Variants in ARHGEF1 observed in about 807,000 individuals in gnomAD.
ARHGEF1 encodes 115 kDa guanine nucleotide exchange factor.
In ARHGEF1, 40 loss-of-function variants were observed where a neutral mutation model predicts 119.7. That is an observed-to-expected ratio of 0.33 (90% CI 0.26 to 0.44). The LOEUF (loss-of-function observed/expected upper bound fraction) is 0.44, where lower values mean the gene tolerates loss of function less well. Among genes scored for constraint, ARHGEF1 ranks in the 20% least tolerant of loss-of-function variants. The probability of loss-of-function intolerance (pLI) is 1.00; values close to 1 mark genes in which losing one functional copy is unlikely to be tolerated. For missense variants in ARHGEF1, 976 were observed against 1,268.3 expected (o/e 0.77, Z 3.50); for synonymous variants, 494 against 521.0 (o/e 0.95, Z 0.71).
At chr19:41,918,384 C>T (rs960547856), upstream of ARHGEF1, among the ~76,000 whole-genome samples, 4 of 149,802 alleles carry the variant, frequency 2.7e-5, no homozygotes, top group Admixed American at 2.0e-4. Context: ...ACCACACATA[C>T]ACCACATACA....
At chr19:41,899,805 G>A (rs1203051039) in intron 14 of ARHGEF1, among the ~76,000 whole-genome samples, 1 of 151,938 alleles carries the variant, frequency 6.6e-6, no homozygotes, top group Non-Finnish European at 1.5e-5. Context: ...GAAAGGTTTG[G>A]GACTTGACTG....
At chr19:41,887,657 C>T (rs1242820590) in intron 1 of ARHGEF1, among the ~76,000 whole-genome samples, 2 of 152,134 alleles carry the variant, frequency 1.3e-5, no homozygotes, top group Non-Finnish European at 2.9e-5. Flanking sequence ...CCACTTCTCT[C>T]CCGCCTCTCC....
chr19:41,916,559 C>T lies in ARHGEF1; in HGVS notation c.1866-6533C>T, dbSNP rs1248907761. ...AAATCCTAGACACACTGTGTAAACA[C>T]ATAATCACACACTGAGGCTCACAAT... On this transcript the variant is annotated intron_variant, in intron 18 of 20. Transcript: ENST00000599589. This position sits in a 1 kb window ranked among gnomAD's most constrained non-coding sequence, Gnocchi z 5.4. Among the ~76,000 whole-genome samples, 2 of 152,130 alleles carry T rather than the reference C, an allele frequency of 1.3e-5. No individual in the cohort carries two copies. The highest frequency in any genetic ancestry group is 4.8e-5 in the African/African-American group (2 of 41,422).
At chr19:41,910,106 G>A (rs537967349), downstream of ARHGEF1, 49 of 1,608,124 alleles carry the variant, frequency 3.0e-5, no homozygotes, top group Middle Eastern at 1.9e-4. The surrounding 1 kb of genome is among the most constrained non-coding windows in gnomAD (Gnocchi z 4.4). Context: ...CCCTGGGGAC[G>A]GGAGGCAGGG....
intron 18 of ARHGEF1, chr19:41,913,040 C>T (rs1299793573): frequency 1.4e-5 from 6 of 422,272 alleles, no homozygotes; most frequent in Non-Finnish European, 2.4e-5. Flanking sequence ...GGTCCCCACC[C>T]CAGCCTGACA....
At chr19:41,894,111 G>A (rs2074430687) in intron 8 of ARHGEF1, 96 bp from the exon 9 acceptor site, 2 of 783,034 alleles carry the variant, frequency 2.6e-6, no homozygotes, top group Non-Finnish European at 3.6e-6. Flanking sequence ...GCCTCTAGGG[G>A]GAGAGAGAGA....
chr19:41,912,800 C>T, intron 18 of ARHGEF1: 1 of 400,618 alleles, frequency 2.5e-6, no homozygotes, highest in Non-Finnish European at 3.2e-6. Context: ...ATGCGGCTCA[C>T]TGGGGAAGCC....
At chr19:41,910,205 AG>A (rs2074744365), downstream of ARHGEF1, 1 of 1,056,014 alleles carries the variant, frequency 9.5e-7, no homozygotes, top group Non-Finnish European at 1.4e-6. The surrounding 1 kb of genome is among the most constrained non-coding windows in gnomAD (Gnocchi z 4.4). Flanking sequence ...CTCCAGTCTC[AG>A]GCATCTTTAG....
intron 14 of ARHGEF1, among the ~76,000 whole-genome samples, chr19:41,901,491 G>T (rs1200310655): frequency 1.3e-5 from 2 of 152,098 alleles, no homozygotes; most frequent in African/African-American, 4.8e-5. Flanking sequence ...GCTTGAGCTG[G>T]GGTGCAGTAA....
rs1328902957 is a variant in ARHGEF1 at position 41,916,711 on chromosome 19, G to A, written c.1866-6381G>A. The stretch of plus-strand genomic sequence containing the variant: ...AGCGCATACATATGCACTTGGTCAC[G>A]CATGGAGCCGTAGAGATACACACAC... On this transcript the variant is annotated intron_variant, in intron 18 of 20. Transcript: ENST00000599589. This position sits in a 1 kb window ranked among gnomAD's most constrained non-coding sequence, Gnocchi z 5.4. Among the ~76,000 whole-genome samples the A allele has an allele frequency of 8.6e-5, 13 of 151,638 alleles. No individual in the cohort carries two copies. The highest frequency in any genetic ancestry group is 2.9e-4 in the African/African-American group (12 of 41,292).
Position 41,894,557 on chromosome 19 carries a change from C to T in ARHGEF1, c.841+10C>T, listed in dbSNP as rs781839561. The T allele has an allele frequency of 1.3e-5, 21 of 1,613,780 alleles. No homozygotes were observed. The Middle Eastern group carries it at 5.0e-4, about 38-fold the overall frequency. On this transcript the variant is annotated intron_variant, in intron 10 of 28. Transcript: ENST00000354532. Reference sequence around the variant, plus strand: ...CGGGGAGAGCCCCAGGGTAAGGCGGCTCTGGCCTCTGCCCTCCCCTGTCTT... The same window carrying T: ...CGGGGAGAGCCCCAGGGTAAGGCGGTTCTGGCCTCTGCCCTCCCCTGTCTT...
In ARHGEF1 at chr19:41,902,359, G is replaced by A; in HGVS notation, c.1497+3G>A. ...TCGGAGACGTGCTGCTGGCCCGGGT[G>A]AGATGCCCAGCCCTCCCGCTCCTCC... is the stretch of plus-strand genomic sequence containing the variant. On this transcript the variant is annotated splice_donor_region_variant and intron_variant, in intron 16 of 28. Transcript: ENST00000354532. This position sits in a 1 kb window ranked among gnomAD's most constrained non-coding sequence, Gnocchi z 6.5. 6.2e-7 allele frequency: 1 copy of A among 1,614,086 alleles called. No individual in the cohort carries two copies. The highest frequency in any genetic ancestry group is 8.5e-7 in the Non-Finnish European group (1 of 1,180,028).
Position 41,893,093 on chromosome 19 carries a change from C to T in ARHGEF1, c.615-181C>T, listed in dbSNP as rs1193083362. ...CCATGATCTGGCACTTGGATCCCAT[C>T]CTCCTGGATGAGAGACCTCCCTCCC... On this transcript the variant is annotated intron_variant, in intron 7 of 28. Coordinates refer to ENST00000354532, the MANE Select transcript of ARHGEF1 (RefSeq NM_004706.4). 4 of 1,011,916 alleles carry T rather than the reference C, an allele frequency of 4.0e-6. No homozygotes were observed. The Admixed American group carries it at 8.8e-5, about 22-fold the overall frequency. The allele number at this position is 1,011,916 out of a possible 1,614,324, so 62.7% of individuals were successfully genotyped here. A position where few individuals can be genotyped will look rare whatever the true frequency, so the allele number is the denominator to read the frequency against.
chr19:41,918,262 C>T (rs1267224512), upstream of ARHGEF1, among the ~76,000 whole-genome samples: 1 of 151,562 alleles, frequency 6.6e-6, no homozygotes, highest in Admixed American at 6.6e-5. Flanking sequence ...TACATACACA[C>T]CCCCACCACA....
chr19:41,894,385 G>T lies in ARHGEF1; in HGVS notation c.745-66G>T, dbSNP rs546989400. On this transcript the variant is annotated intron_variant, in intron 9 of 28. Transcript: ENST00000354532. ...AGCCTCATGACTCTGGATACCTAGC[G>T]TCAAATTCTGCTTTGTTGTTGTCTC... The T allele has an allele frequency of 1.8e-5, 28 of 1,520,426 alleles. No individual in the cohort carries two copies. The African/African-American group carries it at 3.6e-4, about 20-fold the overall frequency. The allele number at this position is 1,520,426 out of a possible 1,614,324, so 94.2% of individuals were successfully genotyped here.
intron 8 of ARHGEF1, among the ~76,000 whole-genome samples, 163 bp from the exon 9 acceptor site, chr19:41,894,044 C>T (rs961868403): frequency 1.3e-5 from 2 of 148,736 alleles, no homozygotes; most frequent in Non-Finnish European, 2.9e-5. Context: ...CCTCTCATCT[C>T]TCCTCAGAGT....
At chr19:41,925,855 C>G (rs2074868079) in intron 1 of ARHGEF1, among the ~76,000 whole-genome samples, 1 of 151,874 alleles carries the variant, frequency 6.6e-6, no homozygotes, top group South Asian at 2.1e-4. Flanking sequence ...TAAGGAGGTG[C>G]AACACTGTCA....
At position 41,902,180 on chromosome 19, in the gene ARHGEF1, C is replaced by T; in HGVS notation, c.1415-94C>T. ...TCCGGTCCCGAGGATCAGACACAGA[C>T]ACACCTGCAGCCCTACCCCCACCAC... On this transcript the variant is annotated intron_variant, in intron 15 of 28. Coordinates refer to ENST00000354532, the MANE Select transcript of ARHGEF1 (RefSeq NM_004706.4). This position sits in a 1 kb window ranked among gnomAD's most constrained non-coding sequence, Gnocchi z 6.5. The T allele has an allele frequency of 1.3e-6, 2 of 1,564,640 alleles. No homozygotes were observed. The highest frequency in any genetic ancestry group is 1.8e-6 in the Non-Finnish European group (2 of 1,142,344).
chr19:41,886,220 G>A (rs1555845229), intron 1 of ARHGEF1, among the ~76,000 whole-genome samples: 2 of 151,958 alleles, frequency 1.3e-5, no homozygotes, highest in Admixed American at 1.3e-4. Flanking sequence ...GTCAACCAGC[G>A]ATGCCATGCC....
Sources: gnomAD v4.1 joint callset for allele counts (sites outside exome capture counted in the v4.1 genomes callset) on GRCh38, gnomAD v4.1.1 for gene constraint, Gnocchi (gnomAD v3.1) non-coding constraint, MANE v1.5 for transcripts, NCBI Gene and HGNC (gene_info 2026-07-23, HGNC 2026-07-21) for gene names.